NCKAP5: variants seen among roughly 807,000 people sequenced by gnomAD.
The protein encoded by NCKAP5 is NCK associated protein 5.
NCKAP5 carries 92 observed loss-of-function variants against 167.0 expected under a neutral mutation model. The ratio of observed to expected loss-of-function variants is 0.55; its 90% CI spans 0.47 to 0.66. The LOEUF (loss-of-function observed/expected upper bound fraction) is 0.66, where lower values mean the gene tolerates loss of function less well. Among genes scored for constraint, NCKAP5 ranks in the 30% least tolerant of loss-of-function variants. The probability of loss-of-function intolerance (pLI) is 0.00; values close to 1 mark genes in which losing one functional copy is unlikely to be tolerated. For synonymous variants in NCKAP5, 891 were observed against 877.4 expected (o/e 1.02, Z -0.27); for missense variants, 2,378 against 2,315.0 (o/e 1.03, Z -0.56).
At chr2:133,299,897 A>G (rs1372729575) in intron 4 of NCKAP5, among the ~76,000 whole-genome samples, 1 of 94,120 alleles carries the variant, frequency 1.1e-5, no homozygotes, top group Non-Finnish European at 2.1e-5. Flanking sequence ...AAGACTAATG[A>G]AAAAGAGAGA....
At chr2:133,088,326 T>C (rs1460748798) in intron 6 of NCKAP5, among the ~76,000 whole-genome samples, 2 of 152,264 alleles carry the variant, frequency 1.3e-5, no homozygotes, top group African/African-American at 4.8e-5. Flanking sequence ...CAGTAGTTGG[T>C]CCTCATTCTC....
In NCKAP5 at chr2:132,736,820, A is replaced by G. The variant is rs112796297; in HGVS notation, c.5129-4769T>C. Among the ~76,000 whole-genome samples, 190 of 152,242 alleles carry G rather than the reference A, an allele frequency of 1.2e-3. 1 individual carries two copies. The highest frequency in any genetic ancestry group is 4.5e-3 in the African/African-American group (185 of 41,552). ...AAACAAGAAACAAAATGAAAAACAA[A>G]AAAAACCCCACAAATGTAAGTTCAC... On this transcript the variant is annotated intron_variant, in intron 16 of 19. Transcript: ENST00000409261.
intron 8 of NCKAP5, among the ~76,000 whole-genome samples, chr2:132,945,760 A>G (rs906262458): frequency 6.6e-6 from 1 of 152,212 alleles, no homozygotes; most frequent in East Asian, 1.9e-4. Flanking sequence ...ATCCATTTGC[A>G]TATGTATTAT....
chr2:133,182,709 C>T (rs2084788758), intron 5 of NCKAP5, among the ~76,000 whole-genome samples: 1 of 151,698 alleles, frequency 6.6e-6, no homozygotes, highest in Non-Finnish European at 1.5e-5. Flanking sequence ...AACTCAAAAA[C>T]AGAAAAAGAA....
chr2:132,875,484 C>T (rs1429867649), intron 9 of NCKAP5, among the ~76,000 whole-genome samples: 2 of 152,210 alleles, frequency 1.3e-5, no homozygotes, highest in African/African-American at 4.8e-5. Context: ...ATCCCTTGCA[C>T]TTCTCCTGCC....
At chr2:133,578,232 T>A in the NCKAP5 span, among the ~76,000 whole-genome samples, 19 of 152,288 alleles carry the variant, frequency 1.2e-4, no homozygotes, top group Admixed American at 2.6e-4. Flanking sequence ...TTCATCTCCA[T>A]TTGTCTTGCC....
At chr2:133,019,742 C>A (rs1017533092) in intron 6 of NCKAP5, among the ~76,000 whole-genome samples, 1 of 152,086 alleles carries the variant, frequency 6.6e-6, no homozygotes, top group Non-Finnish European at 1.5e-5. Flanking sequence ...AGAGAAGGAA[C>A]CTTAAGATTT....
At chr2:132,821,826 G>GAGA (rs1413325513) in intron 11 of NCKAP5, among the ~76,000 whole-genome samples, 2 of 152,078 alleles carry the variant, frequency 1.3e-5, no homozygotes, top group Admixed American at 6.5e-5. Context: ...CCATTGGCCT[G>GAGA]AGAATCACTC....
chr2:132,883,632 G>C (rs542583292), intron 8 of NCKAP5, among the ~76,000 whole-genome samples: 1 of 152,112 alleles, frequency 6.6e-6, no homozygotes, highest in South Asian at 2.1e-4. Flanking sequence ...GATCTGCCAC[G>C]TGTCCACCTG....
At chr2:133,202,599 C>T (rs1022368796) in intron 5 of NCKAP5, among the ~76,000 whole-genome samples, 1 of 152,092 alleles carries the variant, frequency 6.6e-6, no homozygotes. Flanking sequence ...AGTGAACAGG[C>T]AACCTGCAGA....
chr2:133,186,308 C>T (rs2150056380), intron 5 of NCKAP5, among the ~76,000 whole-genome samples: 1 of 152,220 alleles, frequency 6.6e-6, no homozygotes, highest in South Asian at 2.1e-4. Context: ...ATAAAGCCTA[C>T]TTGATCATAG....
chr2:132,979,386 C>T (rs2077064201), intron 7 of NCKAP5, among the ~76,000 whole-genome samples: 2 of 152,088 alleles, frequency 1.3e-5, no homozygotes, highest in Non-Finnish European at 2.9e-5. Context: ...CCACCCAGTC[C>T]AGTCTAGGGT....
intron 3 of NCKAP5, among the ~76,000 whole-genome samples, chr2:133,514,816 G>T (rs916241236): frequency 6.6e-6 from 1 of 152,046 alleles, no homozygotes; most frequent in Non-Finnish European, 1.5e-5. Context: ...TTCTACTTTT[G>T]GTGTAATCCT....
chr2:133,501,394 T>C (rs1682500677), intron 3 of NCKAP5, among the ~76,000 whole-genome samples: 1 of 152,180 alleles, frequency 6.6e-6, no homozygotes, highest in Non-Finnish European at 1.5e-5. Context: ...AATTGAGTCC[T>C]TAATTAGCCC....
At chr2:133,043,656 A>T (rs150346647) in intron 6 of NCKAP5, among the ~76,000 whole-genome samples, 6 of 152,312 alleles carry the variant, frequency 3.9e-5, no homozygotes, top group Middle Eastern at 3.4e-3. Flanking sequence ...ATTGTTTCAT[A>T]AGAGTTAACA....
chr2:133,413,551 G>A (rs1688909296), intron 3 of NCKAP5, among the ~76,000 whole-genome samples: 1 of 151,710 alleles, frequency 6.6e-6, no homozygotes. Context: ...GCATCTTTCT[G>A]TATTATTTCT....
chr2:132,958,690 T>G (rs2076413808), intron 8 of NCKAP5, among the ~76,000 whole-genome samples: 1 of 152,236 alleles, frequency 6.6e-6, no homozygotes, highest in African/African-American at 2.4e-5. Flanking sequence ...CTTTCCAGCA[T>G]CTTCAGGTGG....
At chr2:133,471,393 T>C (rs1297539714) in intron 3 of NCKAP5, among the ~76,000 whole-genome samples, 3 of 152,172 alleles carry the variant, frequency 2.0e-5, no homozygotes, top group Non-Finnish European at 4.4e-5. Context: ...TGGAGAGAGA[T>C]CTGGAGCCCA....
chr2:132,719,954 C>T (rs1249670862), intron 19 of NCKAP5, among the ~76,000 whole-genome samples: 2 of 152,182 alleles, frequency 1.3e-5, no homozygotes, highest in Non-Finnish European at 2.9e-5. Context: ...TGATTGGTGA[C>T]ACACAGCCAG....
Sources: allele counts gnomAD v4.1 joint callset (sites outside exome capture counted in the v4.1 genomes callset), GRCh38; gene constraint gnomAD v4.1.1; transcripts MANE v1.5; gene names NCBI Gene and HGNC (gene_info 2026-07-23, HGNC 2026-07-21).